The following ZRANB2 variants were observed in gnomAD, a reference collection of about 807,000 sequenced individuals.
The protein encoded by ZRANB2 is zinc finger Ran-binding domain-containing protein 2.
ZRANB2 carries 19 observed loss-of-function variants against 53.4 expected under a neutral mutation model. That is an observed-to-expected ratio of 0.36 (90% CI 0.25 to 0.52). The LOEUF is 0.52. Ranked by LOEUF, ZRANB2 falls within the 20% of genes least tolerant of loss-of-function variation. The pLI is 0.93. For synonymous variants in ZRANB2, 145 were observed against 134.8 expected (o/e 1.08, Z -0.52); for missense variants, 309 against 401.1 (o/e 0.77, Z 1.96).
At chr1:71,079,622 T>G (rs1661791005) in intron 1 of ZRANB2, among the ~76,000 whole-genome samples, 1 of 152,192 alleles carries the variant, frequency 6.6e-6, no homozygotes, top group Non-Finnish European at 1.5e-5. Context: ...CTCTGAAAAT[T>G]TATCCTGCAT....
Position 71,078,511 on chromosome 1 carries a change from G to C in ZRANB2, c.164C>G (p.Thr55Arg). Reference protein sequence around the residue: ...MKAGGTEIGKTLAEKSRGLFS... With the variant: ...MKAGGTEIGKRLAEKSRGLFS... ...TAGGCCTCGGCTCTTTTCTGCAAGT[G>C]TCTTTCCTATTTCAGTGCCCCCAGC... Residue 55 changes from threonine (T) to arginine (R), a missense_variant, in exon 3 of 10, where the codon ACA (threonine) becomes AGA (arginine). Transcript: ENST00000370920. The C allele has an allele frequency of 6.2e-7, 1 of 1,614,006 alleles. No homozygotes were observed. Among genetic ancestry groups the C allele is most frequent in the South Asian group, 1.1e-5 (1 of 91,078 alleles).
At chr1:71,067,173 A>C in intron 8 of ZRANB2, 1 of 328,666 alleles carries the variant, frequency 3.0e-6, no homozygotes, top group Non-Finnish European at 5.4e-6. Flanking sequence ...AACCCTGCTT[A>C]CTATATCAAA....
chr1:71,073,865 G>A (rs1661647455), intron 4 of ZRANB2, among the ~76,000 whole-genome samples: 1 of 151,922 alleles, frequency 6.6e-6, no homozygotes, highest in African/African-American at 2.4e-5. Context: ...TATAAATCTA[G>A]CTCATTAACT....
At chr1:71,079,440 G>A (rs1483743128) in intron 1 of ZRANB2, among the ~76,000 whole-genome samples, 1 of 152,126 alleles carries the variant, frequency 6.6e-6, no homozygotes, top group Non-Finnish European at 1.5e-5. Context: ...AAATGCTCTG[G>A]ATAACATGGA....
At chr1:71,072,692 A>G (rs1332696886) in intron 4 of ZRANB2, 144 bp from the exon 5 acceptor site, 3 of 597,622 alleles carry the variant, frequency 5.0e-6, no homozygotes, top group South Asian at 2.5e-5. Flanking sequence ...TTTAGAAAGC[A>G]TATTAGAAAT....
In ZRANB2 at chr1:71,081,028, A is replaced by T. The variant is rs192926108; in HGVS notation, c.-33T>A. On this transcript the variant is annotated 5_prime_UTR_variant, in exon 1 of 10. Transcript: ENST00000370920. ...GCCACCAGCACAGCCACCCGCAGCT[A>T]TGTCTTCACAGGAGGAAAACGGGCC... The T allele has an allele frequency of 6.2e-7, 1 of 1,614,018 alleles. No homozygotes were observed. Among genetic ancestry groups the T allele is most frequent in the Non-Finnish European group, 8.5e-7 (1 of 1,179,942 alleles).
intron 4 of ZRANB2, 65 bp from the exon 5 acceptor site, chr1:71,072,613 C>T: frequency 1.6e-6 from 2 of 1,237,112 alleles, no homozygotes; most frequent in Middle Eastern, 3.9e-4. Flanking sequence ...CACATCATGC[C>T]CAAATCTCCA....
chr1:71,067,006 T>C, intron 8 of ZRANB2, 72 bp from the exon 9 acceptor site: 1 of 1,411,190 alleles, frequency 7.1e-7, no homozygotes, highest in Non-Finnish European at 9.4e-7. Flanking sequence ...AGTTATCAGA[T>C]AGCTCCAAAA....
intron 1 of ZRANB2, among the ~76,000 whole-genome samples, chr1:71,079,779 G>A (rs1259713393): frequency 6.6e-6 from 1 of 151,994 alleles, no homozygotes; most frequent in Non-Finnish European, 1.5e-5. Flanking sequence ...AAAGTCAGAA[G>A]TTGTTGTTCT....
At position 71,064,627 on chromosome 1, in the gene ZRANB2, C is replaced by T. The variant is rs1314531899; in HGVS notation, c.*447G>A. On this transcript the variant is annotated 3_prime_UTR_variant, in exon 10 of 10. Coordinates refer to ENST00000370920, the MANE Select transcript of ZRANB2 (RefSeq NM_203350.3). Reference sequence around the variant, plus strand: ...GTTTAACTTTTTTTGGTGAGAATCACTCTGACATCTGTTAACAGCATAAAA... The same window carrying T: ...GTTTAACTTTTTTTGGTGAGAATCATTCTGACATCTGTTAACAGCATAAAA... The T allele has an allele frequency of 6.5e-6, 1 of 152,762 alleles. No individual in the cohort carries two copies. Among genetic ancestry groups the T allele is most frequent in the Non-Finnish European group, 1.5e-5 (1 of 68,184 alleles). The allele number at this position is 152,762 out of a possible 1,614,324, so 9.5% of individuals were successfully genotyped here. A position where few individuals can be genotyped will look rare whatever the true frequency, so the allele number is the denominator to read the frequency against.
intron 7 of ZRANB2, among the ~76,000 whole-genome samples, chr1:71,070,569 CA>C (rs1661571636): frequency 6.6e-6 from 1 of 151,888 alleles, no homozygotes; most frequent in Admixed American, 6.6e-5. Flanking sequence ...AAATTTAATT[CA>C]GTTTTTAAGT....
chr1:71,067,031 TAAC>T (rs1189674355), intron 8 of ZRANB2, 97 bp from the exon 9 acceptor site: 11 of 1,246,504 alleles, frequency 8.8e-6, no homozygotes, highest in Admixed American at 6.5e-5. Context: ...ACAGGATTTA[TAAC>T]AACTATGAAA....
chr1:71,078,366 C>G lies in ZRANB2; in HGVS notation c.218+91G>C. 4.6e-6 allele frequency: 5 copies of G among 1,077,654 alleles called. No homozygotes were observed. In the South Asian group the frequency reaches 7.2e-5, roughly 15 times the overall value. The allele number at this position is 1,077,654 out of a possible 1,614,324, so 66.8% of individuals were successfully genotyped here. ...GATTTAAAAGGTTACCCTGGCTTGT[C>G]AATGTCACTAATAAGAGCTGTAATA... On this transcript the variant is annotated intron_variant, in intron 3 of 9. Transcript: ENST00000370920.
chr1:71,069,809 A>C (rs1011568918), intron 7 of ZRANB2, among the ~76,000 whole-genome samples: 2 of 152,086 alleles, frequency 1.3e-5, no homozygotes, highest in African/African-American at 2.4e-5. Flanking sequence ...TTTCATCCCT[A>C]TATTTTTCTG....
chr1:71,080,906 C>T (rs1213043997), intron 1 of ZRANB2, 34 bp downstream of exon 1: 2 of 1,612,756 alleles, frequency 1.2e-6, no homozygotes, highest in African/African-American at 2.7e-5. Flanking sequence ...CACTAACAAA[C>T]TCCGTCCCAA....
intron 1 of ZRANB2, 104 bp from the exon 2 acceptor site, chr1:71,078,812 T>C: frequency 1.0e-6 from 1 of 974,766 alleles, no homozygotes; most frequent in Non-Finnish European, 1.5e-6. Context: ...CTAATCCATC[T>C]TAGTCATGTT....
intron 8 of ZRANB2, chr1:71,067,576 A>C (rs955163371): frequency 1.3e-5 from 5 of 393,764 alleles, no homozygotes; most frequent in Admixed American, 4.2e-5. Context: ...TAAATGTGCA[A>C]ATGTTTAAAT....
At chr1:71,080,811 G>A in intron 1 of ZRANB2, 129 bp downstream of exon 1, 1 of 1,043,132 alleles carries the variant, frequency 9.6e-7, no homozygotes, top group South Asian at 1.3e-5. Context: ...TCCCGCCAGG[G>A]AACTGGCGGT....
In ZRANB2 at chr1:71,064,360, C is replaced by A. The variant is rs1661372624; in HGVS notation, c.*714G>T. ...AACATTGGTAAACATTTTGAGATGT[C>A]TTTATCAAGCAACCGTATCAGCAGA... On this transcript the variant is annotated 3_prime_UTR_variant, in exon 10 of 10. Coordinates refer to ENST00000370920, the MANE Select transcript of ZRANB2 (RefSeq NM_203350.3). 1 of 152,158 alleles carries A rather than the reference C, an allele frequency of 6.6e-6. No individual in the cohort carries two copies. The highest frequency in any genetic ancestry group is 1.5e-5 in the Non-Finnish European group (1 of 67,898). The allele number at this position is 152,158 out of a possible 1,614,324, so 9.4% of individuals were successfully genotyped here. A position where few individuals can be genotyped will look rare whatever the true frequency, so the allele number is the denominator to read the frequency against.
Sources: allele counts gnomAD v4.1 joint callset (sites outside exome capture counted in the v4.1 genomes callset), GRCh38; gene constraint gnomAD v4.1.1; transcripts MANE v1.5; gene names NCBI Gene and HGNC (gene_info 2026-07-23, HGNC 2026-07-21).